The following PTPRN2 variants were observed in gnomAD, a reference collection of about 807,000 sequenced individuals.
The protein encoded by PTPRN2 is protein tyrosine phosphatase receptor type N2.
PTPRN2 carries 74 observed loss-of-function variants against 118.8 expected under a neutral mutation model. The observed-to-expected ratio is 0.62, with a 90% CI of 0.52 to 0.76. PTPRN2 has a LOEUF of 0.76. Ranked by LOEUF, PTPRN2 falls within the 30% of genes least tolerant of loss-of-function variation. The probability of loss-of-function intolerance (pLI) is 0.00; values close to 1 mark genes in which losing one functional copy is unlikely to be tolerated. For synonymous variants in PTPRN2, 641 were observed against 608.0 expected (o/e 1.05, Z -0.80); for missense variants, 1,481 against 1,394.4 (o/e 1.06, Z -0.99).
At chr7:158,491,549 G>GA (rs750806914) in intron 1 of PTPRN2, among the ~76,000 whole-genome samples, 1 of 152,136 alleles carries the variant, frequency 6.6e-6, no homozygotes, top group Non-Finnish European at 1.5e-5. Context: ...GAGTGCAATG[G>GA]AGTGATCTTG....
intron 1 of PTPRN2, among the ~76,000 whole-genome samples, chr7:158,530,443 T>C (rs1396435341): frequency 1.3e-5 from 2 of 152,180 alleles, no homozygotes; most frequent in Non-Finnish European, 2.9e-5. Flanking sequence ...CACGCCGGCC[T>C]CCCCGTGTGC....
At chr7:157,668,280 T>C (rs78225407) in intron 13 of PTPRN2, among the ~76,000 whole-genome samples, 2 of 152,212 alleles carry the variant, frequency 1.3e-5, no homozygotes, top group African/African-American at 4.8e-5. Flanking sequence ...ACTCAGCATC[T>C]GATGGAGAAA....
chr7:158,273,748 CA>C (rs1211351876), intron 3 of PTPRN2, among the ~76,000 whole-genome samples: 117 of 127,820 alleles, frequency 9.2e-4, no homozygotes, highest in African/African-American at 3.3e-3. Flanking sequence ...GCCGCAGACA[CA>C]GGGGGAGCCA....
intron 12 of PTPRN2, among the ~76,000 whole-genome samples, chr7:157,741,617 C>T (rs1471495412): frequency 6.6e-6 from 1 of 152,210 alleles, no homozygotes; most frequent in Admixed American, 6.5e-5. Context: ...CCACATGACC[C>T]ATGCACGATT....
At chr7:157,661,456 C>A (rs1795884877) in intron 13 of PTPRN2, among the ~76,000 whole-genome samples, 1 of 151,868 alleles carries the variant, frequency 6.6e-6, no homozygotes, top group African/African-American at 2.4e-5. Context: ...TCCCTGCGGG[C>A]TTCCGCCTGG....
At chr7:157,963,393 C>T (rs1801681002) in intron 11 of PTPRN2, among the ~76,000 whole-genome samples, 1 of 152,230 alleles carries the variant, frequency 6.6e-6, no homozygotes, top group Non-Finnish European at 1.5e-5. Context: ...GAAAGCAGCC[C>T]TGAGTCCCAG....
chr7:158,270,833 T>C (rs181442453), intron 3 of PTPRN2, among the ~76,000 whole-genome samples: 715 of 5,854 alleles, frequency 0.12, 42 homozygotes, highest in East Asian at 0.21. Flanking sequence ...TCCACCTGGA[T>C]GACCCCCTCA....
chr7:157,961,671 T>G (rs1801547085), intron 11 of PTPRN2, among the ~76,000 whole-genome samples: 1 of 152,238 alleles, frequency 6.6e-6, no homozygotes, highest in African/African-American at 2.4e-5. Context: ...GGCTTTGTTA[T>G]TTAGTTTCTC....
chr7:158,384,057 C>T (rs1460303959), intron 2 of PTPRN2, among the ~76,000 whole-genome samples: 4 of 152,142 alleles, frequency 2.6e-5, no homozygotes, highest in Admixed American at 6.6e-5. Context: ...TGAAGCATCC[C>T]GCGCATCCTC....
At chr7:158,057,240 C>T (rs1809861689) in intron 11 of PTPRN2, among the ~76,000 whole-genome samples, 1 of 152,230 alleles carries the variant, frequency 6.6e-6, no homozygotes, top group Non-Finnish European at 1.5e-5. Flanking sequence ...GCACATCTGC[C>T]TCTCGGCAAC....
chr7:158,125,259 C>T (rs891238213), intron 9 of PTPRN2, among the ~76,000 whole-genome samples: 2 of 150,658 alleles, frequency 1.3e-5, no homozygotes, highest in African/African-American at 4.9e-5. Flanking sequence ...CCCAGGGCCA[C>T]CTCCCTGCCT....
chr7:158,225,917 A>T (rs151000571), intron 3 of PTPRN2, among the ~76,000 whole-genome samples: 1 of 41,836 alleles, frequency 2.4e-5, no homozygotes, highest in African/African-American at 2.3e-4. Context: ...GAACAGAGGG[A>T]GGGGAGTTGC....
chr7:157,943,430 G>A (rs1325414503), intron 11 of PTPRN2, among the ~76,000 whole-genome samples: 1 of 152,016 alleles, frequency 6.6e-6, no homozygotes, highest in African/African-American at 2.4e-5. Flanking sequence ...TCCTGCCCTT[G>A]AAATCCAACA....
rs1585114721 is a variant in PTPRN2, at chr7:157,615,331, T to A, written c.2344+6031A>T. The stretch of plus-strand genomic sequence containing the variant: ...GGTTGCGGCTGGGTCTGCGCTGGGG[T>A]AGTGTAGGCTGCACTCTCCGGGGAG... On this transcript the variant is annotated intron_variant, in intron 15 of 22. Coordinates refer to ENST00000389418, the MANE Select transcript of PTPRN2 (RefSeq NM_002847.5). The surrounding 1 kb of genome is among the most constrained non-coding windows in gnomAD (Gnocchi z 4.3). 2.4e-6 allele frequency: 1 copy of A among 410,388 alleles called. No homozygotes were observed. The highest frequency in any genetic ancestry group is 5.1e-6 in the Non-Finnish European group (1 of 194,968). The allele number at this position is 410,388 out of a possible 1,614,324, so 25.4% of individuals were successfully genotyped here.
chr7:158,511,495 G>T (rs559992484), intron 1 of PTPRN2, among the ~76,000 whole-genome samples: 5 of 152,160 alleles, frequency 3.3e-5, no homozygotes, highest in Non-Finnish European at 7.3e-5. Flanking sequence ...AAGAACAAGG[G>T]TCCCAACACG....
chr7:158,581,847 G>A (rs1280546209), intron 1 of PTPRN2, among the ~76,000 whole-genome samples: 1 of 152,218 alleles, frequency 6.6e-6, no homozygotes. Flanking sequence ...AATGCAGCTC[G>A]GTAGTCCGAG....
intron 3 of PTPRN2, among the ~76,000 whole-genome samples, chr7:158,245,425 G>A (rs190679344): frequency 1.1e-3 from 165 of 152,358 alleles, no homozygotes; most frequent in African/African-American, 3.8e-3. Context: ...CCAGGAATGC[G>A]CGGCCTGTTG....
intron 12 of PTPRN2, among the ~76,000 whole-genome samples, chr7:157,833,671 C>G (rs1211347229): frequency 6.6e-6 from 1 of 152,242 alleles, no homozygotes; most frequent in Non-Finnish European, 1.5e-5. Flanking sequence ...GTTCCGGGAG[C>G]AGCTCTCCTG....
Position 158,152,173 on chromosome 7 carries a change from C to CAAAAGA in PTPRN2, c.911-13659_911-13658insTCTTTT, listed in dbSNP as rs551488915. On this transcript the variant is annotated intron_variant, in intron 6 of 22. Transcript: ENST00000389418. ...TGGGTGAAAGAGTGAGACTCTGTCT[C>CAAAAGA]AAAAAAAAAAAAAAAAAACCATGAA... Among the ~76,000 whole-genome samples the CAAAAGA allele has an allele frequency of 4.8e-5, 4 of 83,366 alleles. No homozygotes were observed. The East Asian group carries it at 1.6e-3, about 34-fold the overall frequency. The allele number at this position is 83,366 out of a possible 152,430, so 54.7% of individuals were successfully genotyped here.
Sources: allele counts gnomAD v4.1 joint callset (sites outside exome capture counted in the v4.1 genomes callset), GRCh38; gene constraint gnomAD v4.1.1; non-coding constraint Gnocchi (gnomAD v3.1); transcripts MANE v1.5; gene names NCBI Gene and HGNC (gene_info 2026-07-23, HGNC 2026-07-21).